RGS6: variants seen among roughly 807,000 people sequenced by gnomAD.
RGS6 encodes regulator of G protein signaling 6.
RGS6 carries 30 observed loss-of-function variants against 78.5 expected under a neutral mutation model. The observed-to-expected ratio is 0.38, with a 90% CI of 0.29 to 0.52. The LOEUF (loss-of-function observed/expected upper bound fraction) is 0.52. RGS6 is among the 20% of genes least tolerant of loss of function. The pLI is 0.85. For synonymous variants in RGS6, 206 were observed against 206.0 expected (o/e 1.00, Z 0.00); for missense variants, 495 against 609.7 (o/e 0.81, Z 1.98).
intron 2 of RGS6, among the ~76,000 whole-genome samples, chr14:72,326,779 C>G (rs1019412270): frequency 1.3e-5 from 2 of 152,336 alleles, no homozygotes; most frequent in Admixed American, 1.3e-4. Context: ...CTTGGTTCGG[C>G]TCACTGCAAG....
intron 2 of RGS6, among the ~76,000 whole-genome samples, chr14:72,101,144 C>T (rs569574170): frequency 6.6e-6 from 1 of 152,308 alleles, no homozygotes; most frequent in East Asian, 1.9e-4. Flanking sequence ...TGCTACTGCA[C>T]TCTAACTTGG....
chr14:72,442,112 C>G (rs954306802), intron 3 of RGS6, among the ~76,000 whole-genome samples: 1 of 152,118 alleles, frequency 6.6e-6, no homozygotes, highest in Non-Finnish European at 1.5e-5. Context: ...GCTCGGTTCT[C>G]TTTCTGCTTG....
At chr14:72,403,184 A>G (rs1168216252) in intron 3 of RGS6, among the ~76,000 whole-genome samples, 1 of 152,250 alleles carries the variant, frequency 6.6e-6, no homozygotes, top group Admixed American at 6.5e-5. Context: ...ACAATCGCTA[A>G]GATATTGAAT....
intron 2 of RGS6, among the ~76,000 whole-genome samples, chr14:72,021,748 A>T (rs2088629811): frequency 6.6e-6 from 1 of 151,720 alleles, no homozygotes; most frequent in Admixed American, 6.6e-5. Flanking sequence ...CTGGGATTAC[A>T]GGTGTGGGCC....
At chr14:72,395,668 T>C (rs574185522) in intron 3 of RGS6, among the ~76,000 whole-genome samples, 44 of 152,160 alleles carry the variant, frequency 2.9e-4, no homozygotes, top group Non-Finnish European at 5.7e-4. Flanking sequence ...TATCTCCTAA[T>C]GCTATCCCTC....
the RGS6 span, among the ~76,000 whole-genome samples, chr14:72,583,263 T>C: frequency 1.3e-5 from 2 of 152,240 alleles, no homozygotes; most frequent in African/African-American, 4.8e-5. Flanking sequence ...AGAAAACCTG[T>C]CATGGGACTC....
chr14:72,534,653 C>T (rs1403307377), intron 15 of RGS6, among the ~76,000 whole-genome samples: 1 of 152,228 alleles, frequency 6.6e-6, no homozygotes, highest in African/African-American at 2.4e-5. Flanking sequence ...CTCTCCCTTT[C>T]TTTTGTGCTG....
At chr14:72,238,145 TC>T (rs2051659236) in intron 2 of RGS6, among the ~76,000 whole-genome samples, 1 of 152,172 alleles carries the variant, frequency 6.6e-6, no homozygotes, top group South Asian at 2.1e-4. Flanking sequence ...GAGGCTCTTC[TC>T]CAAAGTTGTT....
chr14:72,426,206 T>C (rs2094430017), intron 3 of RGS6, among the ~76,000 whole-genome samples: 1 of 152,204 alleles, frequency 6.6e-6, no homozygotes, highest in African/African-American at 2.4e-5. Context: ...TATTAAGCCC[T>C]TAACATAATT....
chr14:71,998,522 C>G (rs1258545847), intron 2 of RGS6, among the ~76,000 whole-genome samples: 2 of 152,202 alleles, frequency 1.3e-5, no homozygotes, highest in Admixed American at 1.3e-4. Context: ...GGCTGCAGCT[C>G]TTTCTCGGCC....
intron 2 of RGS6, among the ~76,000 whole-genome samples, chr14:72,328,610 T>C (rs767244166): frequency 2.0e-5 from 3 of 152,050 alleles, no homozygotes; most frequent in African/African-American, 4.8e-5. Context: ...ACCAGTGAAC[T>C]GGTGGCCACG....
At chr14:72,601,640 C>A in the RGS6 span, among the ~76,000 whole-genome samples, 1 of 152,202 alleles carries the variant, frequency 6.6e-6, no homozygotes, top group African/African-American at 2.4e-5. Context: ...GATGCATTTG[C>A]TAATTATCCA....
At chr14:72,238,474 T>G (rs2051786138) in intron 2 of RGS6, among the ~76,000 whole-genome samples, 1 of 152,164 alleles carries the variant, frequency 6.6e-6, no homozygotes, top group Non-Finnish European at 1.5e-5. Context: ...ACATCCTCCC[T>G]TCCCCCCAAG....
chr14:72,305,320 G>T (rs1300462308), intron 2 of RGS6, among the ~76,000 whole-genome samples: 1 of 152,104 alleles, frequency 6.6e-6, no homozygotes, highest in African/African-American at 2.4e-5. Context: ...ACATATAGAT[G>T]CATCTTCTCC....
chr14:71,909,306 A>G, the RGS6 span, among the ~76,000 whole-genome samples: 1 of 152,158 alleles, frequency 6.6e-6, no homozygotes, highest in Admixed American at 6.5e-5. Flanking sequence ...TCTGCATGAG[A>G]TCCAAGAACC....
intron 2 of RGS6, among the ~76,000 whole-genome samples, chr14:72,123,229 T>A (rs984682366): frequency 6.6e-6 from 1 of 152,166 alleles, no homozygotes; most frequent in Non-Finnish European, 1.5e-5. Context: ...GGATTACAGG[T>A]GTGAGTCACA....
intron 2 of RGS6, among the ~76,000 whole-genome samples, chr14:72,148,129 TAAAA>T (rs35367140): frequency 1.6e-4 from 11 of 67,546 alleles, no homozygotes; most frequent in South Asian, 5.6e-4. Flanking sequence ...AGACTCCATC[TAAAA>T]AAAAAAAAAA....
the RGS6 span, among the ~76,000 whole-genome samples, chr14:72,620,246 C>T: frequency 6.6e-6 from 1 of 152,220 alleles, no homozygotes; most frequent in Non-Finnish European, 1.5e-5. Flanking sequence ...AAGACGCCTT[C>T]TGTGACTAAC....
chr14:72,300,449 G>C (rs1375083425), intron 2 of RGS6, among the ~76,000 whole-genome samples: 1 of 152,164 alleles, frequency 6.6e-6, no homozygotes, highest in Non-Finnish European at 1.5e-5. Flanking sequence ...CTGCAGACCT[G>C]ATTATTCCAG....
Sources: gnomAD v4.1 joint callset for allele counts (sites outside exome capture counted in the v4.1 genomes callset) on GRCh38, gnomAD v4.1.1 for gene constraint, MANE v1.5 for transcripts, NCBI Gene and HGNC (gene_info 2026-07-23, HGNC 2026-07-21) for gene names.